Variants in TIMP2 observed in about 807,000 individuals in gnomAD.
TIMP2 encodes metalloproteinase inhibitor 2.
Under a neutral mutation model 24.3 loss-of-function variants are expected in TIMP2, and 5 were observed. The observed-to-expected ratio is 0.21, with a 90% CI of 0.11 to 0.43. The LOEUF (loss-of-function observed/expected upper bound fraction) is 0.43. TIMP2 is among the 20% of genes least tolerant of loss of function. The pLI, the probability that TIMP2 is intolerant of heterozygous loss-of-function variation, is 1.00. For synonymous variants in TIMP2, 130 were observed against 123.2 expected, an observed-to-expected ratio of 1.06 and a Z score of -0.37; for missense variants, 221 against 297.5, an observed-to-expected ratio of 0.74 and a Z score of 1.89.
intron 1 of TIMP2, among the ~76,000 whole-genome samples, chr17:78,906,830 G>A (rs576372134): frequency 6.6e-5 from 10 of 152,202 alleles, no homozygotes; most frequent in South Asian, 6.2e-4. Context: ...TGATCCCCCC[G>A]CCTCAGCCTC....
chr17:78,864,389 CT>C (rs1567992040), intron 3 of TIMP2, among the ~76,000 whole-genome samples: 76 of 145,592 alleles, frequency 5.2e-4, no homozygotes, highest in East Asian at 3.5e-3. Context: ...TCCTCCCTCC[CT>C]TCCTTCCTTC....
At chr17:78,880,925 TCA>T (rs1470364684) in intron 1 of TIMP2, among the ~76,000 whole-genome samples, 1 of 152,166 alleles carries the variant, frequency 6.6e-6, no homozygotes, top group Non-Finnish European at 1.5e-5. Context: ...TCTAGACCAC[TCA>T]CAGCCTCTCC....
chr17:78,916,391 T>C (rs1173890387), intron 1 of TIMP2, among the ~76,000 whole-genome samples: 2 of 152,238 alleles, frequency 1.3e-5, no homozygotes, highest in Admixed American at 1.3e-4. Context: ...TTCCACTGTC[T>C]GCTGAAGTTC....
chr17:78,924,946 C>A lies in TIMP2; in HGVS notation c.130+13G>T. The A allele has an allele frequency of 1.6e-6, 2 of 1,254,408 alleles. No homozygotes were observed. The highest frequency in any genetic ancestry group is 2.6e-5 in the South Asian group (1 of 38,498). 77.7% of individuals were successfully genotyped at this position (1,254,408 alleles called of 1,614,324 possible). A position where few individuals can be genotyped will look rare whatever the true frequency, so the allele number is the denominator to read the frequency against. Reference sequence around the variant, plus strand: ...TGGGGCCCCGCGCGGGGGCTGGGGTCGCCGCTCCTTACCTACATCTGCATT... The same window carrying A: ...TGGGGCCCCGCGCGGGGGCTGGGGTAGCCGCTCCTTACCTACATCTGCATT... On this transcript the variant is annotated intron_variant, in intron 1 of 4. Coordinates refer to ENST00000262768, the MANE Select transcript of TIMP2 (RefSeq NM_003255.5). The surrounding 1 kb of genome is among the most constrained non-coding windows in gnomAD (Gnocchi z 5.3).
intron 1 of TIMP2, among the ~76,000 whole-genome samples, chr17:78,918,065 A>AACACACACACAC (rs57256110): frequency 0.043 from 6,185 of 144,622 alleles, 159 homozygotes; most frequent in Non-Finnish European, 0.057. Flanking sequence ...TGCACACACA[A>AACACACACACAC]ACACACACAC....
At chr17:78,879,956 G>C (rs1165482944) in intron 1 of TIMP2, among the ~76,000 whole-genome samples, 1 of 152,038 alleles carries the variant, frequency 6.6e-6, no homozygotes, top group Non-Finnish European at 1.5e-5. Flanking sequence ...GGTCGCGGGA[G>C]ACGATCCAAA....
chr17:78,869,252 T>C (rs190844138), intron 3 of TIMP2, among the ~76,000 whole-genome samples: 2 of 150,962 alleles, frequency 1.3e-5, no homozygotes, highest in East Asian at 4.0e-4. Flanking sequence ...GAGACTTCTT[T>C]ACCAAAAAAT....
chr17:78,894,748 C>T (rs1263845392), intron 1 of TIMP2, among the ~76,000 whole-genome samples: 2 of 151,894 alleles, frequency 1.3e-5, no homozygotes, highest in African/African-American at 4.8e-5. Flanking sequence ...GCAAAGATTT[C>T]TTAGATACAA....
intron 1 of TIMP2, among the ~76,000 whole-genome samples, chr17:78,921,300 G>A (rs1568010335): frequency 6.8e-6 from 1 of 147,170 alleles, no homozygotes; most frequent in African/African-American, 2.5e-5. Flanking sequence ...CTCTCTAGCT[G>A]GAGCTGGAGC....
intron 1 of TIMP2, among the ~76,000 whole-genome samples, chr17:78,908,906 C>T (rs1304003197): frequency 6.6e-6 from 1 of 152,198 alleles, no homozygotes; most frequent in Non-Finnish European, 1.5e-5. Context: ...TACTCAGTTT[C>T]TGCCTGGGCT....
Position 78,873,810 on chromosome 17 carries a change from C to T in TIMP2, c.231+9G>A, listed in dbSNP as rs1567994592. 1 of 1,610,126 alleles carries T rather than the reference C, an allele frequency of 6.2e-7. No homozygotes were observed. The highest frequency in any genetic ancestry group is 1.1e-5 in the South Asian group (1 of 91,020). On this transcript the variant is annotated intron_variant, in intron 2 of 4. Transcript: ENST00000262768. The stretch of plus-strand genomic sequence containing the variant: ...CAGTGCAGCCCGGGATGCCGGCAGC[C>T]ACTATTACCTTTATCTGCTTGATCT...
chr17:78,865,566 G>A (rs1473760747), intron 3 of TIMP2, among the ~76,000 whole-genome samples: 2 of 150,668 alleles, frequency 1.3e-5, no homozygotes. Flanking sequence ...AGAGGTTGTG[G>A]TGAGTTGAGA....
intron 1 of TIMP2, among the ~76,000 whole-genome samples, chr17:78,918,078 A>ACACACACACGCG (rs888107917): frequency 3.2e-4 from 48 of 149,254 alleles, no homozygotes; most frequent in African/African-American, 1.1e-3. Flanking sequence ...ACACACACAC[A>ACACACACACGCG]CACACACACA....
rs71161632 is a variant in TIMP2, at chr17:78,854,921, C to CGGGGGGGGGGGGG, written c.*733_*745dup. On this transcript the variant is annotated 3_prime_UTR_variant, in exon 5 of 5. Coordinates refer to ENST00000262768, the MANE Select transcript of TIMP2 (RefSeq NM_003255.5). ...TCCTGCAAGCTGGGGAGCATGTGGGCGGGGGGGGGGGGGTGGGGGGGTGGG... is the reference window on the plus strand; with the variant it reads ...TCCTGCAAGCTGGGGAGCATGTGGGCGGGGGGGGGGGGGGGGGGGGGGGGGGTGGGGGGGTGGG... 2 of 39,090 alleles carry CGGGGGGGGGGGGG rather than the reference C, an allele frequency of 5.1e-5. No homozygotes were observed. Among genetic ancestry groups the CGGGGGGGGGGGGG allele is most frequent in the African/African-American group, 9.8e-5 (1 of 10,256 alleles). The allele number at this position is 39,090 out of a possible 1,614,324, so 2.4% of individuals were successfully genotyped here. A position where few individuals can be genotyped will look rare whatever the true frequency, so the allele number is the denominator to read the frequency against.
At position 78,920,652 on chromosome 17, in the gene TIMP2, T is replaced by A. The variant is rs2070302211; in HGVS notation, c.130+4307A>T. On this transcript the variant is annotated intron_variant, in intron 1 of 4. Coordinates refer to ENST00000262768, the MANE Select transcript of TIMP2 (RefSeq NM_003255.5). This position sits in a 1 kb window ranked among gnomAD's most constrained non-coding sequence, Gnocchi z 4.5. ...CCTCAACCTACCATGGGGCCTTCTA[T>A]CCTCACATCTTGCAAATGCATTTCA... 2.0e-5 allele frequency among the ~76,000 whole-genome samples: 3 copies of A among 152,208 alleles called. No individual in the cohort carries two copies. The South Asian group carries it at 6.2e-4, about 31-fold the overall frequency.
At chr17:78,918,876 G>A (rs922022282) in intron 1 of TIMP2, among the ~76,000 whole-genome samples, 1 of 151,946 alleles carries the variant, frequency 6.6e-6, no homozygotes, top group South Asian at 2.1e-4. Flanking sequence ...GGCTGCTTGG[G>A]AGACTGAGGT....
rs117165112 is a variant in TIMP2 at position 78,870,144 on chromosome 17, G to A, written c.340+754C>T. ...CACTTGAAAATGGTTGGCCGGGCGC[G>A]GTGGCTCGCGCCTGTAATCCTGCCA... On this transcript the variant is annotated intron_variant, in intron 3 of 4. Transcript: ENST00000262768. Among the ~76,000 whole-genome samples the A allele has an allele frequency of 2.4e-3, 366 of 152,304 alleles. 6 individuals are homozygous for A. In the East Asian group the frequency reaches 0.052, roughly 21 times the overall value.
At chr17:78,903,795 G>C (rs2070130079) in intron 1 of TIMP2, among the ~76,000 whole-genome samples, 1 of 152,062 alleles carries the variant, frequency 6.6e-6, no homozygotes, top group Non-Finnish European at 1.5e-5. Context: ...GGGACACTGG[G>C]GGAGTCTGGC....
intron 1 of TIMP2, chr17:78,902,067 CA>C (rs1038252328): frequency 4.5e-4 from 228 of 508,838 alleles, no homozygotes; most frequent in African/African-American, 3.9e-3. Flanking sequence ...CTCTTCTCCC[CA>C]ACTCTTAGCC....
Sources: gnomAD v4.1 joint callset for allele counts (sites outside exome capture counted in the v4.1 genomes callset) on GRCh38, gnomAD v4.1.1 for gene constraint, Gnocchi (gnomAD v3.1) non-coding constraint, MANE v1.5 for transcripts, NCBI Gene and HGNC (gene_info 2026-07-23, HGNC 2026-07-21) for gene names.